Variants in C12orf42 observed in about 807,000 individuals in gnomAD.
C12orf42 encodes the protein chromosome 12 open reading frame 42.
A neutral mutation model predicts 21.6 loss-of-function variants in C12orf42; 25 were observed. The ratio of observed to expected loss-of-function variants is 1.16; its 90% CI spans 0.84 to 1.62. C12orf42 has a LOEUF of 1.62. Ranked by LOEUF, C12orf42 falls within the 40% of genes most tolerant of loss-of-function variation. C12orf42 has a pLI of 0.00. For synonymous variants in C12orf42, 174 were observed against 175.0 expected, an observed-to-expected ratio of 0.99 and a Z score of 0.05; for missense variants, 483 against 459.3, an observed-to-expected ratio of 1.05 and a Z score of -0.47.
chr12:103,096,744 G>A, the C12orf42 span, among the ~76,000 whole-genome samples: 2 of 152,150 alleles, frequency 1.3e-5, no homozygotes, highest in African/African-American at 4.8e-5. Context: ...AGGGTCCTTG[G>A]TGGAGGATGG....
chr12:103,214,842 G>A, the C12orf42 span, among the ~76,000 whole-genome samples: 7 of 152,108 alleles, frequency 4.6e-5, no homozygotes, highest in Non-Finnish European at 1.0e-4. Flanking sequence ...TGTTGATGCC[G>A]TGCCACCATC....
intron 2 of C12orf42, among the ~76,000 whole-genome samples, chr12:103,427,159 C>T (rs1281183208): frequency 2.0e-5 from 3 of 151,898 alleles, no homozygotes; most frequent in Non-Finnish European, 4.4e-5. Flanking sequence ...AAGACACAGA[C>T]TGGCAAACTG....
chr12:103,418,119 C>G (rs1234136972), intron 2 of C12orf42, among the ~76,000 whole-genome samples: 3 of 152,192 alleles, frequency 2.0e-5, no homozygotes, highest in Non-Finnish European at 4.4e-5. Flanking sequence ...TTCTAAAGTA[C>G]TACCAGATCT....
chr12:103,245,573 C>G (rs2033970380), intron 10 of C12orf42, among the ~76,000 whole-genome samples: 1 of 152,000 alleles, frequency 6.6e-6, no homozygotes, highest in Admixed American at 6.6e-5. Context: ...CAGGAGCACT[C>G]TAAGCACTTT....
intron 10 of C12orf42, among the ~76,000 whole-genome samples, chr12:103,260,752 T>C (rs562785572): frequency 1.3e-5 from 2 of 152,320 alleles, no homozygotes; most frequent in Admixed American, 6.5e-5. Context: ...CAAATGCATA[T>C]CTGTTTTTGC....
chr12:103,395,825 A>G (rs2047482727), intron 3 of C12orf42, among the ~76,000 whole-genome samples: 1 of 151,206 alleles, frequency 6.6e-6, no homozygotes, highest in Admixed American at 6.6e-5. Context: ...TTATAACATA[A>G]TAGTTATAAA....
chr12:103,546,226 A>T, the C12orf42 span, among the ~76,000 whole-genome samples: 1 of 152,226 alleles, frequency 6.6e-6, no homozygotes, highest in Non-Finnish European at 1.5e-5. Flanking sequence ...ATGATTCAAT[A>T]CTAACTTCTT....
At chr12:103,153,073 A>G in the C12orf42 span, among the ~76,000 whole-genome samples, 4 of 152,198 alleles carry the variant, frequency 2.6e-5, no homozygotes, top group Admixed American at 2.6e-4. Flanking sequence ...CTAGGTAGGG[A>G]AAGAATGGTC....
chr12:103,380,624 G>C (rs964075720), intron 3 of C12orf42, among the ~76,000 whole-genome samples: 19 of 152,174 alleles, frequency 1.2e-4, no homozygotes, highest in African/African-American at 4.6e-4. Flanking sequence ...AGTTAGCTGA[G>C]ATTCTCCAAA....
intron 3 of C12orf42, among the ~76,000 whole-genome samples, chr12:103,381,609 T>C (rs2046178290): frequency 6.6e-6 from 1 of 152,220 alleles, no homozygotes; most frequent in Non-Finnish European, 1.5e-5. Context: ...ATCCTGGATC[T>C]GGCACTTGGG....
chr12:103,060,479 A>C, the C12orf42 span, among the ~76,000 whole-genome samples: 1 of 152,226 alleles, frequency 6.6e-6, no homozygotes, highest in African/African-American at 2.4e-5. Context: ...AAACTACTTT[A>C]AATTTCATAT....
chr12:103,098,853 A>T, the C12orf42 span, among the ~76,000 whole-genome samples: 1 of 152,228 alleles, frequency 6.6e-6, no homozygotes, highest in Non-Finnish European at 1.5e-5. Context: ...GCTATCCTAC[A>T]TATTCATGGA....
chr12:103,521,362 G>A, the C12orf42 span, among the ~76,000 whole-genome samples: 109 of 152,300 alleles, frequency 7.2e-4, no homozygotes, highest in Middle Eastern at 6.8e-3. Context: ...TTAAAAAAGC[G>A]AGATCATGTC....
chr12:103,343,631 A>T (rs984885066), intron 4 of C12orf42, among the ~76,000 whole-genome samples: 34 of 152,016 alleles, frequency 2.2e-4, no homozygotes, highest in African/African-American at 7.7e-4. Context: ...ATACAAAAAA[A>T]TCAGCCGAGC....
chr12:103,100,654 A>G, the C12orf42 span, among the ~76,000 whole-genome samples: 1 of 152,162 alleles, frequency 6.6e-6, no homozygotes, highest in Non-Finnish European at 1.5e-5. Flanking sequence ...AACAGAGTTG[A>G]CAGTACAGTT....
chr12:103,494,206 G>A (rs1955362986), intron 1 of C12orf42, among the ~76,000 whole-genome samples: 1 of 152,152 alleles, frequency 6.6e-6, no homozygotes, highest in African/African-American at 2.4e-5. Context: ...ATGCCTCTTT[G>A]TAACTCACAG....
the C12orf42 span, among the ~76,000 whole-genome samples, chr12:103,106,277 C>T: frequency 6.6e-6 from 1 of 151,868 alleles, no homozygotes; most frequent in East Asian, 1.9e-4. Context: ...CAGTTTATCA[C>T]TCACAGACCC....
chr12:103,322,800 G>A (rs2040314566), intron 4 of C12orf42, among the ~76,000 whole-genome samples: 1 of 152,050 alleles, frequency 6.6e-6, no homozygotes, highest in African/African-American at 2.4e-5. Context: ...TAAAAAAATG[G>A]GATGCTTATG....
At chr12:103,410,707 A>G (rs2048771811) in intron 2 of C12orf42, among the ~76,000 whole-genome samples, 1 of 152,214 alleles carries the variant, frequency 6.6e-6, no homozygotes, top group Non-Finnish European at 1.5e-5. Context: ...GCAGGTGAAA[A>G]CAGAGGAGTT....
Sources: allele counts gnomAD v4.1 joint callset (sites outside exome capture counted in the v4.1 genomes callset), GRCh38; gene constraint gnomAD v4.1.1; transcripts MANE v1.5; gene names NCBI Gene and HGNC (gene_info 2026-07-23, HGNC 2026-07-21).